CCDC149: variants seen among roughly 807,000 people sequenced by gnomAD.
The protein encoded by CCDC149 is coiled-coil domain-containing protein 149.
CCDC149 carries 45 observed loss-of-function variants against 59.9 expected under a neutral mutation model. The observed-to-expected ratio is 0.75, with a 90% confidence interval of 0.59 to 0.96. The LOEUF (loss-of-function observed/expected upper bound fraction) is 0.96, where lower values mean the gene tolerates loss of function less well. Ranked by LOEUF, CCDC149 falls within the 40% of genes least tolerant of loss-of-function variation. The probability of loss-of-function intolerance (pLI) is 0.00; values close to 1 mark genes in which losing one functional copy is unlikely to be tolerated. For synonymous variants in CCDC149, 245 were observed against 260.6 expected, an observed-to-expected ratio of 0.94 and a Z score of 0.58; for missense variants, 584 against 664.7, an observed-to-expected ratio of 0.88 and a Z score of 1.33.
chr4:24,946,121 C>T lies in CCDC149; in HGVS notation c.-65+33948G>A, dbSNP rs78539320. 5.3e-3 allele frequency among the ~76,000 whole-genome samples: 803 copies of T among 152,324 alleles called. 22 individuals are homozygous for T. In the East Asian group the frequency reaches 0.084, roughly 16 times the overall value. ...CACACCACCCTTGCTTGACCAATCA[C>T]TCTCTCTTCTGGGACTTTAGGTTGT... On this transcript the variant is annotated intron_variant, in intron 1 of 12. Transcript: ENST00000389609.
intron 1 of CCDC149, among the ~76,000 whole-genome samples, chr4:24,930,885 G>A (rs1349530249): frequency 1.3e-5 from 2 of 152,134 alleles, no homozygotes; most frequent in African/African-American, 4.8e-5. Flanking sequence ...GGTGTTCTGA[G>A]CTAGAGAAGG....
At chr4:24,912,517 C>A (rs1721933286) in intron 1 of CCDC149, among the ~76,000 whole-genome samples, 1 of 152,104 alleles carries the variant, frequency 6.6e-6, no homozygotes, top group Non-Finnish European at 1.5e-5. Flanking sequence ...GGGCTTGGCA[C>A]CTTCTGCTCC....
chr4:24,888,078 T>TA (rs1431379476), intron 1 of CCDC149, among the ~76,000 whole-genome samples: 8 of 152,112 alleles, frequency 5.3e-5, no homozygotes, highest in Non-Finnish European at 1.2e-4. Flanking sequence ...TGGGTACACT[T>TA]AGAGTAGCAC....
intron 1 of CCDC149, among the ~76,000 whole-genome samples, chr4:24,971,330 G>A (rs28812556): frequency 0.028 from 4,225 of 152,240 alleles, 173 homozygotes; most frequent in African/African-American, 0.096. Flanking sequence ...GTCCTTGCCC[G>A]GGGGACGCCC....
intron 1 of CCDC149, among the ~76,000 whole-genome samples, chr4:24,938,104 A>ATT (rs1722835570): frequency 6.6e-6 from 1 of 152,102 alleles, no homozygotes; most frequent in Middle Eastern, 3.2e-3. Context: ...TCAGGGTGAA[A>ATT]TTACCATAGT....
intron 1 of CCDC149, among the ~76,000 whole-genome samples, chr4:24,878,029 A>G (rs988525704): frequency 5.3e-5 from 8 of 152,220 alleles, no homozygotes; most frequent in East Asian, 1.9e-4. Context: ...GTACTTTGTC[A>G]TTATGGACGC....
intron 4 of CCDC149, among the ~76,000 whole-genome samples, chr4:24,842,625 T>C (rs1296852022): frequency 6.6e-6 from 1 of 152,148 alleles, no homozygotes; most frequent in Non-Finnish European, 1.5e-5. Context: ...AGTCGTCAGC[T>C]TGCGGATGAG....
At chr4:24,856,941 G>C (rs572667200) in intron 3 of CCDC149, among the ~76,000 whole-genome samples, 1 of 152,354 alleles carries the variant, frequency 6.6e-6, no homozygotes, top group East Asian at 1.9e-4. Flanking sequence ...CGCTTGCTCG[G>C]TCTGGGAGCT....
intron 1 of CCDC149, among the ~76,000 whole-genome samples, chr4:24,967,451 G>T (rs116328053): frequency 2.0e-5 from 3 of 152,088 alleles, no homozygotes; most frequent in African/African-American, 7.2e-5. Flanking sequence ...GCATGCAGCT[G>T]TACCATCAAT....
In CCDC149 at chr4:24,821,104, GA is replaced by G. The variant is rs993659572; in HGVS notation, c.1043-18del. ...AGCTCAGGCCTTCAGGCAGCAAAAA[GA>G]AAAAAAGGAAATAATTGTTATTGCA... On this transcript the variant is annotated intron_variant, in intron 10 of 12. Coordinates refer to ENST00000635206, the MANE Select transcript of CCDC149 (RefSeq NM_001330643.2). The G allele has an allele frequency of 4.1e-6, 5 of 1,227,030 alleles. No homozygotes were observed. The highest frequency in any genetic ancestry group is 5.1e-6 in the Non-Finnish European group (5 of 984,132). 76.0% of individuals were successfully genotyped at this position (1,227,030 alleles called of 1,614,324 possible). A position where few individuals can be genotyped will look rare whatever the true frequency, so the allele number is the denominator to read the frequency against.
At chr4:24,900,610 C>A (rs1560245809) in intron 1 of CCDC149, among the ~76,000 whole-genome samples, 1 of 152,102 alleles carries the variant, frequency 6.6e-6, no homozygotes, top group East Asian at 1.9e-4. Context: ...CTCTAAGGAG[C>A]TTGTCAACTT....
At chr4:24,851,161 C>A (rs1299331270) in intron 4 of CCDC149, among the ~76,000 whole-genome samples, 1 of 152,184 alleles carries the variant, frequency 6.6e-6, no homozygotes, top group Non-Finnish European at 1.5e-5. Context: ...AGAGAGCATG[C>A]AGATCAGAAA....
intron 1 of CCDC149, among the ~76,000 whole-genome samples, chr4:24,899,052 G>C (rs1427082352): frequency 6.6e-6 from 1 of 152,156 alleles, no homozygotes; most frequent in Non-Finnish European, 1.5e-5. Context: ...CTCAGCAGTA[G>C]AGTGGTAAAA....
At chr4:24,848,050 A>T (rs1362132570) in intron 4 of CCDC149, among the ~76,000 whole-genome samples, 1 of 152,138 alleles carries the variant, frequency 6.6e-6, no homozygotes, top group Non-Finnish European at 1.5e-5. Context: ...AAATCCCAGA[A>T]ATAAAAAATT....
rs57650226 is a variant in CCDC149 at position 24,813,489 on chromosome 4, AATATAT to A, written c.1193-4676_1193-4671del. Among the ~76,000 whole-genome samples, 894 of 113,702 alleles carry A rather than the reference AATATAT, an allele frequency of 7.9e-3. 18 individuals are homozygous for A. The highest frequency in any genetic ancestry group is 0.031 in the East Asian group (129 of 4,190). 74.6% of individuals were successfully genotyped at this position (113,702 alleles called of 152,430 possible). ...TATATCCCCAAGGTTCAGCTTGGGG[AATATAT>A]ATATATATATATATATATATATATA... is the stretch of plus-strand genomic sequence containing the variant. On this transcript the variant is annotated intron_variant, in intron 12 of 12. Transcript: ENST00000635206.
chr4:24,837,346 T>C lies in CCDC149; in HGVS notation c.544A>G (p.Lys182Glu). The change falls in exon 6 of 13, where the codon AAA becomes GAA. Residue 182 changes from lysine to glutamate, a missense_variant. By Grantham distance (56) the Lys-to-Glu change is moderately conservative. Transcript: ENST00000635206. The surrounding 1 kb of genome is among the most constrained non-coding windows in gnomAD (Gnocchi z 4.3). ...TCCTGGTAGGAAGACCGTTCTTCTT[T>C]AACATCCTGAAGCTCGTCCACAGAA... 1 of 1,614,146 alleles carries C rather than the reference T, an allele frequency of 6.2e-7. No homozygotes were observed.
intron 12 of CCDC149, among the ~76,000 whole-genome samples, chr4:24,813,529 A>ATATAG (rs1560197755): frequency 9.1e-6 from 1 of 110,444 alleles, no homozygotes; most frequent in Non-Finnish European, 1.8e-5. Context: ...TATATATATA[A>ATATAG]AACCTAAAAA....
chr4:24,935,959 G>A (rs1219460693), intron 1 of CCDC149, among the ~76,000 whole-genome samples: 1 of 152,152 alleles, frequency 6.6e-6, no homozygotes, highest in East Asian at 1.9e-4. Flanking sequence ...TGGTCAGTGA[G>A]TAAGCAGAAG....
At chr4:24,933,796 C>A (rs73807070) in intron 1 of CCDC149, among the ~76,000 whole-genome samples, 1,945 of 152,226 alleles carry the variant, frequency 0.013, 37 homozygotes, top group African/African-American at 0.044. Context: ...CAAACTATCC[C>A]AAAATGTAAT....
Sources: gnomAD v4.1 joint callset for allele counts (sites outside exome capture counted in the v4.1 genomes callset) on GRCh38, gnomAD v4.1.1 for gene constraint, Gnocchi (gnomAD v3.1) non-coding constraint, MANE v1.5 for transcripts, NCBI Gene and HGNC (gene_info 2026-07-23, HGNC 2026-07-21) for gene names.